The following SPART variants were observed in gnomAD, a reference collection of about 807,000 sequenced individuals.
SPART encodes the protein spartin, also known as spastic paraplegia 20 (Troyer syndrome).
A neutral mutation model predicts 58.7 loss-of-function variants in SPART; 35 were observed. The observed-to-expected ratio is 0.60, with a 90% CI of 0.46 to 0.79. The LOEUF is 0.79. Among genes scored for constraint, SPART ranks in the 30% least tolerant of loss-of-function variants. The pLI, the probability that SPART is intolerant of heterozygous loss-of-function variation, is 0.00. For missense variants in SPART, 730 were observed against 786.1 expected (o/e 0.93, Z 0.85); for synonymous variants, 284 against 280.7 (o/e 1.01, Z -0.12).
At chr13:36,339,032 T>C (rs532238847) in intron 1 of SPART, among the ~76,000 whole-genome samples, 1 of 150,568 alleles carries the variant, frequency 6.6e-6, no homozygotes, top group South Asian at 2.1e-4. Context: ...ACATCCAGTA[T>C]AAAGGATTAA....
intron 3 of SPART, among the ~76,000 whole-genome samples, chr13:36,330,183 T>C (rs1352733033): frequency 6.6e-6 from 1 of 152,208 alleles, no homozygotes; most frequent in Non-Finnish European, 1.5e-5. Context: ...GAGAAATAGT[T>C]CCACATTAGG....
chr13:36,336,446 G>T (rs1003875819), intron 1 of SPART: 2 of 152,360 alleles, frequency 1.3e-5, no homozygotes, highest in African/African-American at 4.8e-5. Context: ...TCTTTAAAAA[G>T]CATCTGAAAA....
chr13:36,333,623 T>C (rs921349656), intron 2 of SPART, among the ~76,000 whole-genome samples: 1 of 152,146 alleles, frequency 6.6e-6, no homozygotes, highest in African/African-American at 2.4e-5. Context: ...CAAAATTAAA[T>C]GCACTAAGGA....
chr13:36,308,863 C>G (rs533283074), intron 8 of SPART, among the ~76,000 whole-genome samples: 1 of 152,186 alleles, frequency 6.6e-6, no homozygotes, highest in African/African-American at 2.4e-5. Context: ...CCACAGGTGA[C>G]AAGAAGTGAG....
chr13:36,340,195 T>C (rs1313618931), intron 1 of SPART, among the ~76,000 whole-genome samples: 1 of 151,852 alleles, frequency 6.6e-6, no homozygotes, highest in Non-Finnish European at 1.5e-5. Flanking sequence ...ACCCTGTCTC[T>C]ACTAAAAATA....
intron 8 of SPART, among the ~76,000 whole-genome samples, chr13:36,304,937 T>A (rs1489458121): frequency 1.3e-5 from 2 of 152,156 alleles, no homozygotes; most frequent in African/African-American, 2.4e-5. Context: ...CATTAATCAG[T>A]CATTATTTCT....
intron 8 of SPART, among the ~76,000 whole-genome samples, chr13:36,309,730 G>A (rs982216905): frequency 2.0e-5 from 3 of 152,110 alleles, no homozygotes; most frequent in Non-Finnish European, 4.4e-5. Flanking sequence ...TTACTAGGCC[G>A]GGGAGGGAGG....
rs1256687278 is a variant in SPART at position 36,314,308 on chromosome 13, C to G, written c.1402G>C (p.Glu468Gln). The G allele has an allele frequency of 6.2e-7, 1 of 1,614,150 alleles. No homozygotes were observed. Among genetic ancestry groups the G allele is most frequent in the Admixed American group, 1.7e-5 (1 of 60,018 alleles). ...ERIQPEEKPVEVSPAVTKGLY... is the reference protein window; with the variant it reads ...ERIQPEEKPVQVSPAVTKGLY... ...CCCTTGGTGACAGCTGGACTAACTT[C>G]CACGGGTTTTTCTTCTGGTTGAATC... Residue 468 changes from glutamate to glutamine, a missense_variant, in exon 6 of 9, where the codon GAA (glutamate) becomes CAA (glutamine). Physicochemically the swap from Glu to Gln is conservative, Grantham distance 29. Coordinates refer to ENST00000438666, the MANE Select transcript of SPART (RefSeq NM_015087.5).
At chr13:36,315,338 G>C (rs768480185) in intron 5 of SPART, among the ~76,000 whole-genome samples, 4 of 152,160 alleles carry the variant, frequency 2.6e-5, no homozygotes, top group Admixed American at 1.3e-4. Context: ...ACTCTGCAGA[G>C]ACTTTCAATT....
At chr13:36,339,403 G>A (rs1884344342) in intron 1 of SPART, among the ~76,000 whole-genome samples, 2 of 151,794 alleles carry the variant, frequency 1.3e-5, no homozygotes, top group African/African-American at 4.8e-5. Context: ...GTGAGGCTGA[G>A]GCGGGCAGAT....
At chr13:36,346,523 C>G (rs1885143971), upstream of SPART, 1 of 152,452 alleles carries the variant, frequency 6.6e-6, no homozygotes, top group Admixed American at 6.5e-5. Context: ...TACCCACGCG[C>G]GCGTCTTGCC....
At chr13:36,360,300 G>T (rs1398026448) in intron 1 of SPART, among the ~76,000 whole-genome samples, 1 of 18,036 alleles carries the variant, frequency 5.5e-5, no homozygotes, top group African/African-American at 3.8e-4. Flanking sequence ...GAAAATTCCT[G>T]CATTGCCATT....
chr13:36,362,093 G>T (rs1473141364), intron 1 of SPART, among the ~76,000 whole-genome samples: 2 of 152,194 alleles, frequency 1.3e-5, no homozygotes, highest in African/African-American at 4.8e-5. Context: ...GCTCACGCCT[G>T]TAATCCCAGC....
intron 2 of SPART, among the ~76,000 whole-genome samples, chr13:36,334,055 T>C (rs560384715): frequency 6.6e-6 from 1 of 152,322 alleles, no homozygotes; most frequent in East Asian, 1.9e-4. Flanking sequence ...TGAATAGAGA[T>C]AAGCTGTGCT....
chr13:36,304,668 AAT>A (rs1880328377), intron 8 of SPART, 36 bp from the exon 9 acceptor site: 2 of 1,597,802 alleles, frequency 1.3e-6, no homozygotes, highest in South Asian at 2.2e-5. Context: ...ACAATGAAAC[AAT>A]AAATATAAAA....
intron 8 of SPART, 113 bp from the exon 9 acceptor site, chr13:36,304,745 T>C (rs748029891): frequency 8.9e-7 from 1 of 1,121,054 alleles, no homozygotes; most frequent in Non-Finnish European, 1.3e-6. Flanking sequence ...AAAGCAAAAT[T>C]AAAGCTTAGG....
At chr13:36,365,529 G>A (rs2137732175) in intron 1 of SPART, 3 of 373,054 alleles carry the variant, frequency 8.0e-6, no homozygotes, top group Admixed American at 3.7e-5. Context: ...CTCTCTTCCT[G>A]GATTTCTTCT....
upstream of SPART, among the ~76,000 whole-genome samples, chr13:36,347,469 T>C (rs1233039179): frequency 6.6e-6 from 1 of 152,130 alleles, no homozygotes; most frequent in Non-Finnish European, 1.5e-5. Flanking sequence ...GCCAGGCTGG[T>C]CTCGAATTCC....
Position 36,331,580 on chromosome 13 carries a change from T to C in SPART, c.827A>G (p.Tyr276Cys), listed in dbSNP as rs1198760024. The C allele has an allele frequency of 3.1e-6, 5 of 1,613,576 alleles. No homozygotes were observed. The highest frequency in any genetic ancestry group is 4.2e-6 in the Non-Finnish European group (5 of 1,179,794). Residue 276 changes from tyrosine to cysteine, a missense_variant, in exon 3 of 9, where the codon TAT becomes TGT. By Grantham distance (194) the Tyr-to-Cys change is radical (BLOSUM62 -2). Coordinates refer to ENST00000438666, the MANE Select transcript of SPART (RefSeq NM_015087.5). ...CGGAGATCTATCAGGAACTAGAGGA[T>C]ATAACCAGTCACAAACCTGAAAGGA... ...PGFLQVCDWLYPLVPDRSPVL... is the reference protein window; with the variant it reads ...PGFLQVCDWLCPLVPDRSPVL...
Sources: allele counts gnomAD v4.1 joint callset (sites outside exome capture counted in the v4.1 genomes callset), GRCh38; gene constraint gnomAD v4.1.1; transcripts MANE v1.5; gene names NCBI Gene and HGNC (gene_info 2026-07-23, HGNC 2026-07-21).